Variants in SECISBP2 observed in about 807,000 individuals in gnomAD.
SECISBP2 encodes the protein selenocysteine insertion sequence-binding protein 2.
In SECISBP2, 96 loss-of-function variants were observed where a neutral mutation model predicts 98.2. That is an observed-to-expected ratio of 0.98 (90% CI 0.83 to 1.16). SECISBP2 has a LOEUF of 1.16. Ranked by LOEUF, SECISBP2 falls within the 50% of genes most tolerant of loss-of-function variation. SECISBP2 has a pLI of 0.00. For missense variants in SECISBP2, 1,046 were observed against 1,022.9 expected (o/e 1.02, Z -0.31); for synonymous variants, 407 against 370.2 (o/e 1.10, Z -1.14).
Position 89,327,087 on chromosome 9 carries a change from G to A in SECISBP2, c.574+1049G>A, listed in dbSNP as rs562809142. ...TGAGGCAGGAGAATGGCATGAACCC[G>A]GGAGGCGGAGCTTGCAGTGAGCCGA... On this transcript the variant is annotated intron_variant, in intron 4 of 16. Coordinates refer to ENST00000375807, the MANE Select transcript of SECISBP2 (RefSeq NM_024077.5). Among the ~76,000 whole-genome samples, 7 of 152,098 alleles carry A rather than the reference G, an allele frequency of 4.6e-5. No homozygotes were observed. The South Asian group carries it at 6.2e-4, about 14-fold the overall frequency.
intron 13 of SECISBP2, 74 bp from the exon 14 acceptor site, chr9:89,350,558 C>G: frequency 1.5e-6 from 2 of 1,328,572 alleles, no homozygotes; most frequent in South Asian, 1.2e-5. Context: ...TCTCTTCTCC[C>G]TGGGGTGGGA....
chr9:89,330,977 G>A (rs1827657201), intron 5 of SECISBP2, among the ~76,000 whole-genome samples: 1 of 152,228 alleles, frequency 6.6e-6, no homozygotes, highest in South Asian at 2.1e-4. Context: ...TATTAAGAGA[G>A]TCACATACAC....
At position 89,349,837 on chromosome 9, in the gene SECISBP2, A is replaced by G. The variant is rs555620592; in HGVS notation, c.1800A>G (p.Pro600=). 7 of 1,614,224 alleles carry G rather than the reference A, an allele frequency of 4.3e-6. No individual in the cohort carries two copies. Among genetic ancestry groups the G allele is most frequent in the African/African-American group, 1.3e-5 (1 of 75,058 alleles). ...CGGTTGAGGACAAGTCTGAAGAGCCACCAGGCACAGAGCTCCAGAGGGACA... is the reference window on the plus strand; with the variant it reads ...CGGTTGAGGACAAGTCTGAAGAGCCGCCAGGCACAGAGCTCCAGAGGGACA... ...TPSVEDKSEE[P]PGTELQRDTE... Residue 600 remains proline (P), a synonymous_variant, in exon 13 of 17, where the codon CCA becomes CCG. Coordinates refer to ENST00000375807, the MANE Select transcript of SECISBP2 (RefSeq NM_024077.5).
At chr9:89,366,066 T>C in the SECISBP2 span, among the ~76,000 whole-genome samples, 1 of 152,200 alleles carries the variant, frequency 6.6e-6, no homozygotes, top group Non-Finnish European at 1.5e-5. Flanking sequence ...GAAGCCCTGT[T>C]TCTATCAGTG....
At position 89,325,637 on chromosome 9, in the gene SECISBP2, CACATG is replaced by C; in HGVS notation, c.394_398del (p.Thr132ProfsTer11). On this transcript the variant is annotated frameshift_variant, in exon 3 of 17. Coordinates refer to ENST00000375807, the MANE Select transcript of SECISBP2 (RefSeq NM_024077.5). LOFTEE classifies it high-confidence loss of function. ...AAACAGTGAAGCATCGAAATGAGAA[CACATG>C]CCCTCTCCCACAAGAAATGAAAGCT... The C allele has an allele frequency of 6.2e-7, 1 of 1,614,154 alleles. No individual in the cohort carries two copies. The highest frequency in any genetic ancestry group is 8.5e-7 in the Non-Finnish European group (1 of 1,180,032).
chr9:89,362,479 C>A (rs371729869), downstream of SECISBP2: 10 of 1,613,794 alleles, frequency 6.2e-6, no homozygotes, highest in East Asian at 2.2e-5. Flanking sequence ...ATGGGCCTTT[C>A]CTGCTCTGCA....
At chr9:89,343,983 G>A (rs534872007) in intron 10 of SECISBP2, among the ~76,000 whole-genome samples, 5 of 152,160 alleles carry the variant, frequency 3.3e-5, no homozygotes, top group Admixed American at 6.5e-5. Context: ...CTTTTTCTCC[G>A]CAACCTCGCC....
rs770810605 is a variant in SECISBP2, at chr9:89,348,073, T to G, written c.1603-6T>G. ...AGGCATTTTAATTGTTTATTTAATT[T>G]TTAAGATTATTTTGAAAGAACGGCA... On this transcript the variant is annotated splice_region_variant and splice_polypyrimidine_tract_variant and intron_variant, in intron 11 of 16. Coordinates refer to ENST00000375807, the MANE Select transcript of SECISBP2 (RefSeq NM_024077.5). The G allele has an allele frequency of 1.3e-5, 21 of 1,610,378 alleles. No individual in the cohort carries two copies. The highest frequency in any genetic ancestry group is 1.7e-5 in the Non-Finnish European group (20 of 1,177,244).
At chr9:89,325,217 C>T in intron 2 of SECISBP2, 1 of 577,496 alleles carries the variant, frequency 1.7e-6, no homozygotes, top group East Asian at 3.0e-5. Flanking sequence ...ACTTCCAGCT[C>T]ATTAGTGAAA....
intron 14 of SECISBP2, chr9:89,356,711 A>G (rs998710461): frequency 3.3e-5 from 5 of 153,228 alleles, no homozygotes; most frequent in African/African-American, 1.2e-4. Flanking sequence ...AGCATGCTGA[A>G]GTTGCCTGTA....
Position 89,344,107 on chromosome 9 carries a change from C to A in SECISBP2, c.1435+2628C>A, listed in dbSNP as rs532566400. On this transcript the variant is annotated intron_variant, in intron 10 of 16. Coordinates refer to ENST00000375807, the MANE Select transcript of SECISBP2 (RefSeq NM_024077.5). ...GTTTTTCTCGTATGCTTGTTGGCCA[C>A]GTGTATGTCTCTTGAAAAGTGTCTG... 9.9e-5 allele frequency among the ~76,000 whole-genome samples: 15 copies of A among 152,224 alleles called. 1 individual carries two copies. In the South Asian group the frequency reaches 3.1e-3, roughly 32 times the overall value.
At chr9:89,319,582 G>A in intron 1 of SECISBP2, 70 bp from the exon 2 acceptor site, 3 of 1,557,520 alleles carry the variant, frequency 1.9e-6, no homozygotes, top group Non-Finnish European at 2.7e-6. Flanking sequence ...ACACCTCTTG[G>A]GTCTTTTTGT....
At chr9:89,323,267 G>C (rs1826113356) in intron 2 of SECISBP2, 1 of 152,252 alleles carries the variant, frequency 6.6e-6, no homozygotes, top group African/African-American at 2.4e-5. Context: ...GGAGATGGAG[G>C]CCTGGACTAG....
chr9:89,341,993 A>G (rs1481719437), intron 10 of SECISBP2, among the ~76,000 whole-genome samples: 2 of 152,246 alleles, frequency 1.3e-5, no homozygotes, highest in African/African-American at 4.8e-5. Context: ...GGACATTATC[A>G]AGAAAGCGGA....
intron 14 of SECISBP2, 136 bp downstream of exon 14, chr9:89,350,988 T>C: frequency 1.3e-6 from 1 of 759,948 alleles, no homozygotes. Flanking sequence ...TTGTTTTTAT[T>C]GAGTAACTGT....
intron 14 of SECISBP2, among the ~76,000 whole-genome samples, chr9:89,355,886 G>A (rs557948298): frequency 9.9e-5 from 15 of 152,196 alleles, no homozygotes; most frequent in East Asian, 1.9e-4. Flanking sequence ...TTTTTCTGGC[G>A]TCCATCCTGT....
Position 89,341,365 on chromosome 9 carries a change from G to A in SECISBP2, c.1321G>A (p.Val441Ile). 6.2e-7 allele frequency: 1 copy of A among 1,613,744 alleles called. No individual in the cohort carries two copies. The highest frequency in any genetic ancestry group is 8.5e-7 in the Non-Finnish European group (1 of 1,179,760). Residue 441 changes from valine (V) to isoleucine (I), a missense_variant, in exon 10 of 17, where the codon GTA (valine) becomes ATA (isoleucine). Physicochemically the swap from Val to Ile is conservative, Grantham distance 29. Coordinates refer to ENST00000375807, the MANE Select transcript of SECISBP2 (RefSeq NM_024077.5). ...QQPQDNFKNN[V>I]KKSQLPVQLD... ...CTTTCAGGATAATTTTAAAAATAAT[G>A]TAAAGAAGAGCCAGCTTCCAGTGCA... is the stretch of plus-strand genomic sequence containing the variant.
At chr9:89,341,507 G>A in intron 10 of SECISBP2, 28 bp downstream of exon 10, 1 of 1,613,290 alleles carries the variant, frequency 6.2e-7, no homozygotes, top group Admixed American at 1.7e-5. Flanking sequence ...TCTCAGGCAA[G>A]TGATTGGAAG....
At chr9:89,342,299 G>T (rs1361822357) in intron 10 of SECISBP2, among the ~76,000 whole-genome samples, 1 of 152,224 alleles carries the variant, frequency 6.6e-6, no homozygotes, top group Non-Finnish European at 1.5e-5. Context: ...TGTCAGTGAA[G>T]ATGTGGAAAA....
Sources: gnomAD v4.1 joint callset for allele counts (sites outside exome capture counted in the v4.1 genomes callset) on GRCh38, gnomAD v4.1.1 for gene constraint, MANE v1.5 for transcripts, NCBI Gene and HGNC (gene_info 2026-07-23, HGNC 2026-07-21) for gene names.